ASH2L: variants seen among roughly 807,000 people sequenced by gnomAD.
ASH2L encodes set1/Ash2 histone methyltransferase complex subunit ASH2.
ASH2L carries 30 observed loss-of-function variants against 81.1 expected under a neutral mutation model. The observed-to-expected ratio is 0.37, with a 90% confidence interval of 0.28 to 0.50. The LOEUF (loss-of-function observed/expected upper bound fraction) is 0.50. ASH2L is among the 20% of genes least tolerant of loss of function. The probability of loss-of-function intolerance (pLI) is 0.95; values close to 1 mark genes in which losing one functional copy is unlikely to be tolerated. For missense variants in ASH2L, 559 were observed against 792.1 expected, an observed-to-expected ratio of 0.71 and a Z score of 3.53; for synonymous variants, 273 against 279.9, an observed-to-expected ratio of 0.98 and a Z score of 0.24.
At chr8:38,111,940 A>T (rs569936283) in intron 5 of ASH2L, among the ~76,000 whole-genome samples, 2 of 152,240 alleles carry the variant, frequency 1.3e-5, no homozygotes, top group Non-Finnish European at 2.9e-5. Context: ...TTCTTTCTCC[A>T]TCCAGGATCT....
chr8:38,129,453 A>G (rs1303930700), intron 12 of ASH2L, among the ~76,000 whole-genome samples: 2 of 152,144 alleles, frequency 1.3e-5, no homozygotes, highest in Non-Finnish European at 1.5e-5. Context: ...TAACATCACG[A>G]GACCCCATCT....
In ASH2L at chr8:38,110,600, G is replaced by A. The variant is rs139570516; in HGVS notation, c.490+133G>A. The A allele has an allele frequency of 8.4e-5, 95 of 1,126,348 alleles. 1 individual carries two copies. In the African/African-American group the frequency reaches 1.3e-3, roughly 15 times the overall value. 69.8% of individuals were successfully genotyped at this position (1,126,348 alleles called of 1,614,324 possible). ...AGTTGGGGTTTAGCTCTGAATAATTGCAATTGCCCATTTCAGGTCACATGA... is the reference window on the plus strand; with the variant it reads ...AGTTGGGGTTTAGCTCTGAATAATTACAATTGCCCATTTCAGGTCACATGA... On this transcript the variant is annotated intron_variant, in intron 4 of 15. Transcript: ENST00000343823.
chr8:38,110,343 AAG>A (rs1391171067), intron 3 of ASH2L, 34 bp from the exon 4 acceptor site: 1 of 1,489,222 alleles, frequency 6.7e-7, no homozygotes, highest in Non-Finnish European at 9.4e-7. Flanking sequence ...GTGTGTTCAC[AAG>A]TTCACTAATT....
chr8:38,135,884 T>C (rs1284905223), intron 14 of ASH2L, 118 bp downstream of exon 14: 2 of 688,816 alleles, frequency 2.9e-6, no homozygotes, highest in African/African-American at 3.6e-5. Context: ...GGCATGCGCA[T>C]GTGTTGTTAC....
chr8:38,113,851 T>C (rs907678053), intron 5 of ASH2L, among the ~76,000 whole-genome samples: 3 of 152,194 alleles, frequency 2.0e-5, no homozygotes, highest in African/African-American at 7.2e-5. Flanking sequence ...TCTCAGCTGG[T>C]AGAAATAGGA....
At chr8:38,106,290 C>T (rs1810427607) in intron 1 of ASH2L, 88 bp from the exon 2 acceptor site, 7 of 1,424,982 alleles carry the variant, frequency 4.9e-6, no homozygotes, top group Non-Finnish European at 6.9e-6. Context: ...GTATGAAGTT[C>T]GGCTGTAATT....
chr8:38,118,564 G>A (rs1249944404), intron 8 of ASH2L, among the ~76,000 whole-genome samples: 1 of 152,180 alleles, frequency 6.6e-6, no homozygotes, highest in Non-Finnish European at 1.5e-5. Context: ...TTAGTGCATT[G>A]GCACAATCTT....
chr8:38,133,999 A>C (rs1802159218), intron 13 of ASH2L, among the ~76,000 whole-genome samples: 1 of 152,156 alleles, frequency 6.6e-6, no homozygotes, highest in Non-Finnish European at 1.5e-5. Flanking sequence ...CTGCCTTGGG[A>C]TGCTGTTGAT....
intron 11 of ASH2L, 39 bp from the exon 12 acceptor site, chr8:38,128,719 C>T (rs773435561): frequency 1.9e-6 from 3 of 1,579,040 alleles, no homozygotes; most frequent in African/African-American, 1.4e-5. Flanking sequence ...ATTTGACTTG[C>T]AATCTTCTGA....
intron 7 of ASH2L, among the ~76,000 whole-genome samples, chr8:38,116,258 C>G (rs994184471): frequency 5.9e-5 from 9 of 152,004 alleles, no homozygotes; most frequent in Non-Finnish European, 4.4e-5. Context: ...CCCAGCTACT[C>G]AGGAGGCTGA....
In ASH2L at chr8:38,120,962, C is replaced by T; in HGVS notation, c.978C>T (p.Pro326=). 1 of 1,613,394 alleles carries T rather than the reference C, an allele frequency of 6.2e-7. No individual in the cohort carries two copies. The highest frequency in any genetic ancestry group is 8.5e-7 in the Non-Finnish European group (1 of 1,179,894). ...CTTTGTTTTCTGCTCAGCGCCTTCC[C>T]CCTCATGGCTACCCATTGGAACACC... is the stretch of plus-strand genomic sequence containing the variant. ...SDPLFSAQRL[P]PHGYPLEHPF... Residue 326 remains proline (P), a synonymous_variant, in exon 10 of 16, where the codon CCC becomes CCT. Transcript: ENST00000343823.
chr8:38,114,953 A>G lies in ASH2L; in HGVS notation c.730A>G (p.Ser244Gly), dbSNP rs779244541. ...FLVKEHPDPG[S>G]KDPEEDYPKF... The stretch of plus-strand genomic sequence containing the variant: ...GGTAAAGGAACACCCAGATCCAGGC[A>G]GTAAAGATCCAGAAGAAGATTACCC... The change falls in exon 7 of 16, where the codon AGT (serine) becomes GGT (glycine). Residue 244 changes from serine (S) to glycine (G), a missense_variant. Around this residue, in one of 4 missense-constraint regions of ASH2L, gnomAD observed 318 missense variants for 527.0 expected, o/e 0.60. Coordinates refer to ENST00000343823, the MANE Select transcript of ASH2L (RefSeq NM_004674.5). 4 of 1,613,032 alleles carry G rather than the reference A, an allele frequency of 2.5e-6. No individual in the cohort carries two copies. The African/African-American group carries it at 5.3e-5, about 22-fold the overall frequency.
rs1212696847 is a variant in ASH2L at position 38,106,425 on chromosome 8, C to G, written c.236C>G (p.Ser79Cys). 2 of 1,613,616 alleles carry G rather than the reference C, an allele frequency of 1.2e-6. No individual in the cohort carries two copies. The highest frequency in any genetic ancestry group is 1.1e-5 in the South Asian group (1 of 91,056). Reference protein sequence around the residue: ...DVSGGLETESSNGKDTLEGAG... With the variant: ...DVSGGLETESCNGKDTLEGAG... ...AGCGGTGGCTTGGAGACAGAATCAT[C>G]TAATGGAAAAGATACACTAGTAAGT... is the stretch of plus-strand genomic sequence containing the variant. The change falls in exon 2 of 16, where the codon TCT (serine) becomes TGT (cysteine). Residue 79 changes from serine (S) to cysteine (C), a missense_variant. By Grantham distance (112) the Ser-to-Cys change is moderately radical (BLOSUM62 -1). Transcript: ENST00000343823.
chr8:38,128,686 A>G (rs954124237), intron 11 of ASH2L, 72 bp from the exon 12 acceptor site: 2 of 1,556,094 alleles, frequency 1.3e-6, no homozygotes, highest in Non-Finnish European at 1.7e-6. Context: ...AAGAAATAGG[A>G]TCTTTTTCCT....
chr8:38,116,579 C>T (rs768717708), intron 7 of ASH2L, 71 bp from the exon 8 acceptor site: 83 of 1,197,654 alleles, frequency 6.9e-5, no homozygotes, highest in Non-Finnish European at 8.8e-5. Flanking sequence ...GTTAGAATTT[C>T]TCTTGTTTTA....
At position 38,128,363 on chromosome 8, in the gene ASH2L, C is replaced by G; in HGVS notation, c.1238C>G (p.Ser413Cys). 6.2e-7 allele frequency: 1 copy of G among 1,614,124 alleles called. No homozygotes were observed. Among genetic ancestry groups the G allele is most frequent in the Non-Finnish European group, 8.5e-7 (1 of 1,180,010 alleles). Residue 413 changes from serine (S) to cysteine (C), a missense_variant, in exon 11 of 16, where the codon TCT (serine) becomes TGT (cysteine). Ser to Cys is a moderately radical substitution (Grantham distance 112). Transcript: ENST00000343823. ...GEKGYSMVRA[S>C]HGVRKGAWYF... Reference sequence around the variant, plus strand: ...AAGGGCTACTCTATGGTGAGGGCCTCTCATGGAGTACGGAAAGGTGCCTGG... The same window carrying G: ...AAGGGCTACTCTATGGTGAGGGCCTGTCATGGAGTACGGAAAGGTGCCTGG...
In ASH2L at chr8:38,139,894, G is replaced by A. The variant is rs1802405628; in HGVS notation, c.*823G>A. 2 of 152,140 alleles carry A rather than the reference G, an allele frequency of 1.3e-5. No homozygotes were observed. The highest frequency in any genetic ancestry group is 4.8e-5 in the African/African-American group (2 of 41,418). The allele number at this position is 152,140 out of a possible 1,614,324, so 9.4% of individuals were successfully genotyped here. On this transcript the variant is annotated 3_prime_UTR_variant, in exon 16 of 16. Coordinates refer to ENST00000343823, the MANE Select transcript of ASH2L (RefSeq NM_004674.5). ...TCCTGTGAAAATCTGCCACCTTGAGGAGAGGAACAAGAGTTTAAAAGGGCT... is the reference window on the plus strand; with the variant it reads ...TCCTGTGAAAATCTGCCACCTTGAGAAGAGGAACAAGAGTTTAAAAGGGCT...
intron 9 of ASH2L, 31 bp downstream of exon 9, chr8:38,119,394 CT>C: frequency 6.8e-7 from 1 of 1,465,080 alleles, no homozygotes. Flanking sequence ...GCCCCCCTCA[CT>C]ATTTAAGTAT....
intron 11 of ASH2L, 62 bp downstream of exon 11, chr8:38,128,520 G>A: frequency 6.4e-7 from 1 of 1,574,252 alleles, no homozygotes; most frequent in Non-Finnish European, 8.6e-7. Context: ...TCTGGCCAAG[G>A]GCTAAGGCTT....
Sources: gnomAD v4.1 joint callset for allele counts (sites outside exome capture counted in the v4.1 genomes callset) on GRCh38, gnomAD v4.1.1 for gene constraint, gnomAD v4.1.1 regional missense constraint, MANE v1.5 for transcripts, NCBI Gene and HGNC (gene_info 2026-07-23, HGNC 2026-07-21) for gene names.